Variants in NELL2 observed in about 807,000 individuals in gnomAD.
The protein encoded by NELL2 is neural EGFL like 2, also known as protein kinase C-binding protein NELL2.
In NELL2, 41 loss-of-function variants were observed where a neutral mutation model predicts 109.6. The observed-to-expected ratio is 0.37, with a 90% CI of 0.29 to 0.49. The LOEUF is 0.49. Ranked by LOEUF, NELL2 falls within the 20% of genes least tolerant of loss-of-function variation. NELL2 has a pLI of 0.98. For missense variants in NELL2, 900 were observed against 1,008.3 expected, an observed-to-expected ratio of 0.89 and a Z score of 1.45; for synonymous variants, 355 against 344.7, an observed-to-expected ratio of 1.03 and a Z score of -0.33.
chr12:44,659,147 T>C (rs1249183683), intron 13 of NELL2, among the ~76,000 whole-genome samples: 1 of 152,162 alleles, frequency 6.6e-6, no homozygotes, highest in Non-Finnish European at 1.5e-5. Flanking sequence ...TGGCTAGCCA[T>C]ATGCAGAAAA....
intron 1 of NELL2, among the ~76,000 whole-genome samples, chr12:44,909,204 C>A (rs1417455183): frequency 6.6e-6 from 1 of 151,908 alleles, no homozygotes; most frequent in East Asian, 1.9e-4. Context: ...CAAAAGGCTA[C>A]TGAAACTGAT....
intron 2 of NELL2, among the ~76,000 whole-genome samples, chr12:44,832,942 G>A (rs1319538374): frequency 6.6e-6 from 1 of 152,142 alleles, no homozygotes; most frequent in African/African-American, 2.4e-5. Context: ...AATGGTAATA[G>A]TGTGGTTTGA....
rs761759696 is a variant in NELL2 at position 44,523,525 on chromosome 12, TG to T, written c.1805-42del. 12 of 1,587,056 alleles carry T rather than the reference TG, an allele frequency of 7.6e-6. No homozygotes were observed. In the African/African-American group the frequency reaches 1.6e-4, roughly 21 times the overall value. On this transcript the variant is annotated intron_variant, in intron 16 of 19. Coordinates refer to ENST00000429094, the MANE Select transcript of NELL2 (RefSeq NM_001145108.2). ...AGCAGCACTCAATGTGCTTAGAATA[TG>T]TGCAGTTTCAAACAACTGCAATCAG...
intron 9 of NELL2, among the ~76,000 whole-genome samples, chr12:44,740,784 C>T (rs1246388508): frequency 1.3e-5 from 2 of 152,036 alleles, no homozygotes; most frequent in Admixed American, 1.3e-4. Context: ...TCTGTATGTG[C>T]CTCTGAATTT....
At chr12:44,817,150 C>G (rs1157786280) in intron 2 of NELL2, among the ~76,000 whole-genome samples, 2 of 152,162 alleles carry the variant, frequency 1.3e-5, no homozygotes, top group African/African-American at 2.4e-5. Context: ...TCCTGGGTCC[C>G]TGGCCAACAA....
intron 13 of NELL2, among the ~76,000 whole-genome samples, chr12:44,659,452 T>A (rs1454573657): frequency 6.6e-6 from 1 of 152,060 alleles, no homozygotes; most frequent in Non-Finnish European, 1.5e-5. Context: ...ATCCATCTGA[T>A]AAAAAGGTAA....
intron 15 of NELL2, among the ~76,000 whole-genome samples, chr12:44,582,145 A>C (rs904542579): frequency 6.6e-6 from 1 of 152,240 alleles, no homozygotes; most frequent in African/African-American, 2.4e-5. Context: ...TGACAGAGAA[A>C]GCAGTTAAAA....
chr12:44,840,933 C>T (rs181089852), intron 2 of NELL2, among the ~76,000 whole-genome samples: 11 of 151,990 alleles, frequency 7.2e-5, no homozygotes, highest in Non-Finnish European at 8.8e-5. Context: ...AAATTTGAGG[C>T]GATAACAAGT....
rs149428450 is a variant in NELL2, at chr12:44,901,298, G to C, written c.38+12501C>G. On this transcript the variant is annotated intron_variant, in intron 1 of 20. Transcript: ENST00000333837. ...TCTACACAAATAAACTAAAAATCTAGAAGAAATGGATAAATTCCTGGACAC... is the reference window on the plus strand; with the variant it reads ...TCTACACAAATAAACTAAAAATCTACAAGAAATGGATAAATTCCTGGACAC... 6.6e-5 allele frequency among the ~76,000 whole-genome samples: 10 copies of C among 152,204 alleles called. No individual in the cohort carries two copies. In the East Asian group the frequency reaches 1.9e-3, roughly 29 times the overall value.
At chr12:44,868,312 T>C (rs1238767353) in intron 2 of NELL2, among the ~76,000 whole-genome samples, 1 of 152,130 alleles carries the variant, frequency 6.6e-6, no homozygotes, top group Non-Finnish European at 1.5e-5. Context: ...AAAGATATGC[T>C]TTGGTCATGG....
intron 15 of NELL2, among the ~76,000 whole-genome samples, chr12:44,566,547 A>G (rs941370510): frequency 2.7e-5 from 4 of 146,946 alleles, no homozygotes; most frequent in Non-Finnish European, 5.9e-5. Flanking sequence ...ACACACACAC[A>G]CACACACACA....
chr12:44,565,891 T>A (rs370471946), intron 15 of NELL2, among the ~76,000 whole-genome samples: 1 of 152,084 alleles, frequency 6.6e-6, no homozygotes, highest in Non-Finnish European at 1.5e-5. Context: ...ATTTTGAGGA[T>A]TGCACATTCC....
chr12:44,739,424 T>G (rs1939822673), intron 9 of NELL2, among the ~76,000 whole-genome samples: 1 of 152,176 alleles, frequency 6.6e-6, no homozygotes, highest in Admixed American at 6.5e-5. Context: ...GCCCCGGGAA[T>G]TGACTCAGTG....
chr12:44,654,183 C>T (rs1269231280), intron 13 of NELL2, among the ~76,000 whole-genome samples: 1 of 152,154 alleles, frequency 6.6e-6, no homozygotes, highest in Non-Finnish European at 1.5e-5. Context: ...ACACTATTCC[C>T]ATCTATTAAA....
chr12:44,695,153 G>A (rs1949024675), intron 12 of NELL2, among the ~76,000 whole-genome samples: 2 of 149,970 alleles, frequency 1.3e-5, no homozygotes, highest in South Asian at 2.1e-4. Flanking sequence ...GAAGGAAAGA[G>A]GGGAGGGAGG....
intron 12 of NELL2, among the ~76,000 whole-genome samples, chr12:44,683,245 C>T (rs976913374): frequency 4.6e-5 from 7 of 152,182 alleles, no homozygotes; most frequent in African/African-American, 1.4e-4. Flanking sequence ...TATAAGAATG[C>T]TTGTGATTTT....
At chr12:44,838,112 A>G (rs1944111323) in intron 2 of NELL2, among the ~76,000 whole-genome samples, 1 of 152,214 alleles carries the variant, frequency 6.6e-6, no homozygotes. Context: ...TCTCACTTTT[A>G]AAATTTATCT....
At chr12:44,912,910 G>A (rs902818919) in intron 1 of NELL2, among the ~76,000 whole-genome samples, 2 of 152,116 alleles carry the variant, frequency 1.3e-5, no homozygotes. Context: ...CTAGCTATAT[G>A]ACCTTGGGCA....
chr12:44,557,803 C>T (rs889231595), intron 15 of NELL2, among the ~76,000 whole-genome samples: 5 of 151,770 alleles, frequency 3.3e-5, no homozygotes, highest in South Asian at 2.1e-4. Flanking sequence ...GGAGTATTCA[C>T]GAGAGAAAAC....
Sources: allele counts gnomAD v4.1 joint callset (sites outside exome capture counted in the v4.1 genomes callset), GRCh38; gene constraint gnomAD v4.1.1; transcripts MANE v1.5; gene names NCBI Gene and HGNC (gene_info 2026-07-23, HGNC 2026-07-21).